Variants in HOOK3 observed in about 807,000 individuals in gnomAD.
HOOK3 encodes the protein protein Hook homolog 3.
A neutral mutation model predicts 116.3 loss-of-function variants in HOOK3; 24 were observed. The ratio of observed to expected loss-of-function variants is 0.21; its 90% CI spans 0.15 to 0.29. The LOEUF is 0.29. Ranked by LOEUF, HOOK3 falls within the 10% of genes least tolerant of loss-of-function variation. The pLI is 1.00. For synonymous variants in HOOK3, 275 were observed against 283.0 expected (o/e 0.97, Z 0.28); for missense variants, 632 against 830.2 (o/e 0.76, Z 2.93).
chr8:42,966,729 T>G, intron 10 of HOOK3, 116 bp downstream of exon 10: 1 of 1,053,026 alleles, frequency 9.5e-7, no homozygotes, highest in Non-Finnish European at 1.4e-6. Flanking sequence ...ATCCCGGGTC[T>G]ACTGCTTATG....
intron 6 of HOOK3, among the ~76,000 whole-genome samples, chr8:42,955,715 G>C (rs1302794416): frequency 6.6e-6 from 1 of 152,020 alleles, no homozygotes; most frequent in Admixed American, 6.6e-5. Context: ...AGTACAGAGG[G>C]GTGGGGCCTA....
chr8:42,993,921 A>G (rs1351052776), intron 15 of HOOK3, among the ~76,000 whole-genome samples: 1 of 151,698 alleles, frequency 6.6e-6, no homozygotes, highest in Non-Finnish European at 1.5e-5. Flanking sequence ...AGGTTTGTCA[A>G]TTTATCTTTT....
At chr8:42,918,992 G>A (rs1252869218) in intron 2 of HOOK3, among the ~76,000 whole-genome samples, 7 of 151,582 alleles carry the variant, frequency 4.6e-5, no homozygotes, top group Admixed American at 1.3e-4. Context: ...CAGACGGGGC[G>A]GCCGGGCAGA....
At chr8:42,925,073 TTTG>T (rs1204377672) in intron 2 of HOOK3, among the ~76,000 whole-genome samples, 5 of 152,132 alleles carry the variant, frequency 3.3e-5, no homozygotes, top group African/African-American at 1.2e-4. Context: ...TGACTGTTTT[TTTG>T]TTGTTGTTGT....
At chr8:42,990,598 C>T (rs769147133) in intron 15 of HOOK3, among the ~76,000 whole-genome samples, 26 of 151,998 alleles carry the variant, frequency 1.7e-4, no homozygotes, top group Non-Finnish European at 2.2e-4. Flanking sequence ...ACCTCAGCCT[C>T]CCAAAGTGCT....
At chr8:43,010,267 TATC>T in intron 18 of HOOK3, 35 bp from the exon 19 acceptor site, 1 of 439,492 alleles carries the variant, frequency 2.3e-6, no homozygotes, top group Non-Finnish European at 3.4e-6. Flanking sequence ...TTATATATAT[TATC>T]TAAATATATA....
intron 1 of HOOK3, among the ~76,000 whole-genome samples, chr8:42,898,808 GAAA>G (rs1807119947): frequency 6.6e-6 from 1 of 152,218 alleles, no homozygotes; most frequent in South Asian, 2.1e-4. Context: ...ACCGTAAGTT[GAAA>G]ATGCATTTCA....
At position 42,907,791 on chromosome 8, in the gene HOOK3, AAC is replaced by A. The variant is rs1299972470; in HGVS notation, c.143+1535_143+1536del. The stretch of plus-strand genomic sequence containing the variant: ...GATGTCGACTCTGCCAGTTCTGTTC[AAC>A]AGTCTTTACCGGAGCAACGAGGCAA... On this transcript the variant is annotated intron_variant, in intron 2 of 21. Transcript: ENST00000307602. 2.0e-5 allele frequency among the ~76,000 whole-genome samples: 3 copies of A among 148,918 alleles called. No homozygotes were observed. The East Asian group carries it at 5.9e-4, about 29-fold the overall frequency.
At chr8:42,952,569 A>G (rs1281777448) in intron 6 of HOOK3, among the ~76,000 whole-genome samples, 2 of 152,150 alleles carry the variant, frequency 1.3e-5, no homozygotes, top group East Asian at 1.9e-4. Flanking sequence ...TAATCACATG[A>G]TTGGTCTTTC....
At chr8:42,932,369 A>G (rs918468559) in intron 4 of HOOK3, among the ~76,000 whole-genome samples, 1 of 152,118 alleles carries the variant, frequency 6.6e-6, no homozygotes, top group Non-Finnish European at 1.5e-5. Context: ...GTTTTTAATA[A>G]AGTATTACGA....
intron 5 of HOOK3, among the ~76,000 whole-genome samples, chr8:42,948,127 AG>A (rs950283557): frequency 1.3e-5 from 2 of 152,188 alleles, no homozygotes; most frequent in Non-Finnish European, 2.9e-5. Context: ...TTTACAGACT[AG>A]GAAGCTGGGA....
Position 42,980,248 on chromosome 8 carries a change from C to T in HOOK3, c.1322-2379C>T, listed in dbSNP as rs750190371. On this transcript the variant is annotated intron_variant, in intron 13 of 21. Transcript: ENST00000307602. Reference sequence around the variant, plus strand: ...GATTACAGGTGTGAGCCACTGCACCCGACCTCTACATGAGTTTTTATACAA... The same window carrying T: ...GATTACAGGTGTGAGCCACTGCACCTGACCTCTACATGAGTTTTTATACAA... Among the ~76,000 whole-genome samples the T allele has an allele frequency of 1.2e-4, 18 of 151,966 alleles. 1 individual carries two copies. In the South Asian group the frequency reaches 1.9e-3, roughly 16 times the overall value.
chr8:42,922,916 C>T (rs1459853564), intron 2 of HOOK3, among the ~76,000 whole-genome samples: 1 of 151,390 alleles, frequency 6.6e-6, no homozygotes, highest in Non-Finnish European at 1.5e-5. Flanking sequence ...AGTGGAAAAC[C>T]AGCCTACAAA....
At chr8:42,956,262 GTGT>G (rs1331535308) in intron 6 of HOOK3, among the ~76,000 whole-genome samples, 14 of 148,636 alleles carry the variant, frequency 9.4e-5, no homozygotes, top group African/African-American at 3.3e-4. Flanking sequence ...GTGTGTGTGT[GTGT>G]TATCATTAAA....
chr8:42,936,289 G>T (rs963253232), intron 4 of HOOK3, among the ~76,000 whole-genome samples: 1 of 152,178 alleles, frequency 6.6e-6, no homozygotes, highest in Admixed American at 6.5e-5. Context: ...GAGATTTTGG[G>T]CTGAGATGAT....
At chr8:42,953,920 C>A (rs905941607) in intron 6 of HOOK3, among the ~76,000 whole-genome samples, 4 of 152,062 alleles carry the variant, frequency 2.6e-5, no homozygotes, top group Non-Finnish European at 4.4e-5. Flanking sequence ...AGTGCAGAGC[C>A]CATACCTACA....
intron 15 of HOOK3, among the ~76,000 whole-genome samples, chr8:42,995,249 TG>T (rs34750903): frequency 0.047 from 7,199 of 152,294 alleles, 222 homozygotes; most frequent in South Asian, 0.08. Flanking sequence ...AAACACTCAT[TG>T]TCTTGTTTTC....
chr8:42,970,780 G>GTGTTTTTTTTTTTTT (rs1299118892), intron 11 of HOOK3, among the ~76,000 whole-genome samples: 1 of 127,922 alleles, frequency 7.8e-6, no homozygotes, highest in African/African-American at 3.4e-5. Flanking sequence ...AGGAATTTGG[G>GTGTTTTTTTTTTTTT]TCTTTTTTTT....
chr8:43,007,459 TTGAGTA>T (rs949169804), intron 17 of HOOK3, among the ~76,000 whole-genome samples: 1 of 152,240 alleles, frequency 6.6e-6, no homozygotes, highest in African/African-American at 2.4e-5. Flanking sequence ...ATTCATGTGG[TTGAGTA>T]TATCATTAGT....
Sources: allele counts gnomAD v4.1 joint callset (sites outside exome capture counted in the v4.1 genomes callset), GRCh38; gene constraint gnomAD v4.1.1; transcripts MANE v1.5; gene names NCBI Gene and HGNC (gene_info 2026-07-23, HGNC 2026-07-21).